The following STRIP2 variants were observed in gnomAD, a reference collection of about 807,000 sequenced individuals.
STRIP2 encodes the protein striatin-interacting protein 2.
In STRIP2, 84 loss-of-function variants were observed where a neutral mutation model predicts 107.1. That is an observed-to-expected ratio of 0.78 (90% CI 0.66 to 0.94). The LOEUF is 0.94. STRIP2 is among the 40% of genes least tolerant of loss of function. The pLI, the probability that STRIP2 is intolerant of heterozygous loss-of-function variation, is 0.00. For missense variants in STRIP2, 888 were observed against 1,034.2 expected (o/e 0.86, Z 1.94); for synonymous variants, 394 against 400.4 (o/e 0.98, Z 0.19).
intron 18 of STRIP2, among the ~76,000 whole-genome samples, chr7:129,476,541 G>T (rs960118715): frequency 2.0e-5 from 3 of 151,694 alleles, no homozygotes; most frequent in Non-Finnish European, 2.9e-5. Flanking sequence ...CCCAGACAGG[G>T]TCGCGGCCGG....
chr7:129,458,784 G>A lies in STRIP2; in HGVS notation c.1340+7G>A. The A allele has an allele frequency of 6.2e-7, 1 of 1,614,092 alleles. No homozygotes were observed. ...TCGGATTCACCCTGGGGCAGTAAGT[G>A]ACTGAATGGCTGGAACTGGCTACAG... On this transcript the variant is annotated splice_region_variant and intron_variant, in intron 11 of 20. Transcript: ENST00000249344. The surrounding 1 kb of genome is among the most constrained non-coding windows in gnomAD (Gnocchi z 4.6).
chr7:129,466,623 G>A (rs76692528), intron 16 of STRIP2, among the ~76,000 whole-genome samples: 1 of 152,160 alleles, frequency 6.6e-6, no homozygotes, highest in Non-Finnish European at 1.5e-5. Flanking sequence ...ATGGCCACCT[G>A]TCCCACTGGG....
At position 129,440,069 on chromosome 7, in the gene STRIP2, T is replaced by A; in HGVS notation, c.177T>A (p.Asp59Glu). The A allele has an allele frequency of 6.2e-7, 1 of 1,614,142 alleles. No individual in the cohort carries two copies. The highest frequency in any genetic ancestry group is 8.5e-7 in the Non-Finnish European group (1 of 1,179,998). Residue 59 changes from aspartate to glutamate, a missense_variant, in exon 2 of 21, where the codon GAT becomes GAA. Coordinates refer to ENST00000249344, the MANE Select transcript of STRIP2 (RefSeq NM_020704.3). ...PTLEFEYGDA[D>E]GHAAELSELY... Reference sequence around the variant, plus strand: ...TGGAGTTTGAGTATGGAGATGCAGATGGGCATGCAGCCGAGTTGTCAGGTA... The same window carrying A: ...TGGAGTTTGAGTATGGAGATGCAGAAGGGCATGCAGCCGAGTTGTCAGGTA...
intron 2 of STRIP2, among the ~76,000 whole-genome samples, chr7:129,442,956 T>C (rs1797939188): frequency 6.6e-6 from 1 of 152,192 alleles, no homozygotes; most frequent in Non-Finnish European, 1.5e-5. Context: ...CTTCATCTTC[T>C]GTAAGATGAG....
intron 18 of STRIP2, 99 bp downstream of exon 18, chr7:129,470,814 G>T: frequency 1.0e-6 from 1 of 958,758 alleles, no homozygotes. Flanking sequence ...GCCCTGGTTT[G>T]AGAGTCTCAG....
intron 5 of STRIP2, 81 bp downstream of exon 5, chr7:129,453,428 C>T (rs943243506): frequency 4.5e-6 from 7 of 1,553,632 alleles, no homozygotes; most frequent in East Asian, 2.3e-5. Context: ...GCTTCCCTCA[C>T]TATAGAGACC....
chr7:129,480,259 C>A, intron 18 of STRIP2, among the ~76,000 whole-genome samples: 1 of 152,118 alleles, frequency 6.6e-6, no homozygotes, highest in East Asian at 1.9e-4. Flanking sequence ...TAGAAGAAAC[C>A]ATCTGCCATT....
intron 1 of STRIP2, among the ~76,000 whole-genome samples, chr7:129,436,954 G>T (rs1797756652): frequency 6.6e-6 from 1 of 152,178 alleles, no homozygotes; most frequent in Non-Finnish European, 1.5e-5. Context: ...GCCAGATCTG[G>T]TTTATTGATC....
chr7:129,447,560 C>CA (rs1251489642), intron 3 of STRIP2, among the ~76,000 whole-genome samples: 1 of 152,122 alleles, frequency 6.6e-6, no homozygotes, highest in Non-Finnish European at 1.5e-5. Flanking sequence ...CTTGTGGAAG[C>CA]AAAAAGCGAT....
intron 16 of STRIP2, among the ~76,000 whole-genome samples, chr7:129,465,052 A>T (rs1032913736): frequency 1.4e-5 from 2 of 147,462 alleles, no homozygotes; most frequent in Non-Finnish European, 3.0e-5. Context: ...TTTCACAAAA[A>T]TGGGGGGGTG....
rs529693392 is a variant in STRIP2 at position 129,446,100 on chromosome 7, G to A, written c.274+2002G>A. Among the ~76,000 whole-genome samples, 10 of 152,284 alleles carry A rather than the reference G, an allele frequency of 6.6e-5. No homozygotes were observed. The East Asian group carries it at 9.6e-4, about 15-fold the overall frequency. On this transcript the variant is annotated intron_variant, in intron 3 of 20. Transcript: ENST00000249344. ...GCCAGGTCAACCTTGGTGAGTGGAA[G>A]TCCATGTTACTGAGCCCATGCGTAA...
chr7:129,453,459 A>C, intron 5 of STRIP2, 112 bp downstream of exon 5: 1 of 1,335,250 alleles, frequency 7.5e-7, no homozygotes, highest in South Asian at 1.4e-5. Context: ...AACTGGGTCT[A>C]CTCACACCTC....
At chr7:129,472,972 A>G (rs1189024830) in intron 18 of STRIP2, among the ~76,000 whole-genome samples, 5 of 150,914 alleles carry the variant, frequency 3.3e-5, no homozygotes, top group Admixed American at 3.3e-4. Flanking sequence ...TTTTTAGTAG[A>G]GACAGGCTTT....
chr7:129,452,398 T>G (rs760103541), intron 4 of STRIP2, among the ~76,000 whole-genome samples: 1 of 151,740 alleles, frequency 6.6e-6, no homozygotes, highest in Non-Finnish European at 1.5e-5. Context: ...AAAAAAAAAT[T>G]GTAAAATAAA....
At chr7:129,445,298 C>T (rs1188521532) in intron 3 of STRIP2, among the ~76,000 whole-genome samples, 1 of 152,146 alleles carries the variant, frequency 6.6e-6, no homozygotes, top group East Asian at 1.9e-4. Flanking sequence ...CCAGCCAACA[C>T]TGTAACTCCC....
At chr7:129,436,652 G>A (rs1013700985) in intron 1 of STRIP2, among the ~76,000 whole-genome samples, 6 of 152,222 alleles carry the variant, frequency 3.9e-5, no homozygotes, top group African/African-American at 1.4e-4. Context: ...CCAGGTGCCA[G>A]ATCTGCTTTT....
intron 2 of STRIP2, 81 bp downstream of exon 2, chr7:129,440,172 G>A: frequency 1.6e-6 from 2 of 1,246,788 alleles, no homozygotes; most frequent in Non-Finnish European, 2.4e-6. Flanking sequence ...CTGGAAGCTT[G>A]TCTGTTCTCA....
chr7:129,445,755 G>C (rs1798017961), intron 3 of STRIP2, among the ~76,000 whole-genome samples: 1 of 152,200 alleles, frequency 6.6e-6, no homozygotes, highest in Admixed American at 6.5e-5. Flanking sequence ...TGAGCCCACT[G>C]CCACACTTCT....
intron 7 of STRIP2, among the ~76,000 whole-genome samples, chr7:129,454,799 A>G (rs1309734319): frequency 6.6e-6 from 1 of 152,190 alleles, no homozygotes; most frequent in African/African-American, 2.4e-5. Flanking sequence ...CTCCCACTCT[A>G]TCACGAGTCC....
Sources: gnomAD v4.1 joint callset for allele counts (sites outside exome capture counted in the v4.1 genomes callset) on GRCh38, gnomAD v4.1.1 for gene constraint, Gnocchi (gnomAD v3.1) non-coding constraint, MANE v1.5 for transcripts, NCBI Gene and HGNC (gene_info 2026-07-23, HGNC 2026-07-21) for gene names.